DOCK1: variants seen among roughly 807,000 people sequenced by gnomAD.
The protein encoded by DOCK1 is dedicator of cytokinesis 1.
In DOCK1, 138 loss-of-function variants were observed where a neutral mutation model predicts 262.7. The ratio of observed to expected loss-of-function variants is 0.53; its 90% CI spans 0.46 to 0.61. The LOEUF is 0.61. DOCK1 is among the 20% of genes least tolerant of loss of function. DOCK1 has a pLI of 0.00. For missense variants in DOCK1, 1,908 were observed against 2,370.7 expected (o/e 0.80, Z 4.05); for synonymous variants, 866 against 867.4 (o/e 1.00, Z 0.03).
In DOCK1 at chr10:127,437,449, A is replaced by G. The variant is rs570923921; in HGVS notation, c.5061-1578A>G. ...GAAATAATCAACAGTGAGCAAATCA[A>G]TGGGGAGCAAGATTGCTGCAATGAC... On this transcript the variant is annotated intron_variant, in intron 48 of 51. Coordinates refer to ENST00000623213, the MANE Select transcript of DOCK1 (RefSeq NM_001290223.2). This position sits in a 1 kb window ranked among gnomAD's most constrained non-coding sequence, Gnocchi z 4.4. 7.3e-5 allele frequency among the ~76,000 whole-genome samples: 11 copies of G among 150,432 alleles called. No individual in the cohort carries two copies. The highest frequency in any genetic ancestry group is 1.3e-4 in the Non-Finnish European group (9 of 67,862).
intron 5 of DOCK1, among the ~76,000 whole-genome samples, chr10:126,989,372 G>A (rs1161544674): frequency 6.6e-6 from 1 of 152,106 alleles, no homozygotes; most frequent in Non-Finnish European, 1.5e-5. Context: ...TGTTGCCCAG[G>A]CTAGATTGCA....
At chr10:126,916,048 A>G (rs1014281871) in intron 1 of DOCK1, among the ~76,000 whole-genome samples, 1 of 152,164 alleles carries the variant, frequency 6.6e-6, no homozygotes, top group African/African-American at 2.4e-5. Flanking sequence ...TTGGGACACT[A>G]TGGTGTGGAG....
At chr10:127,163,434 G>T (rs1180050330) in intron 27 of DOCK1, among the ~76,000 whole-genome samples, 2 of 152,102 alleles carry the variant, frequency 1.3e-5, no homozygotes, top group Non-Finnish European at 2.9e-5. Context: ...AGAGGTTTTT[G>T]TCTGTTCCCG....
At chr10:127,223,163 CAAT>C (rs1180266607) in intron 27 of DOCK1, among the ~76,000 whole-genome samples, 1 of 152,136 alleles carries the variant, frequency 6.6e-6, no homozygotes, top group Non-Finnish European at 1.5e-5. Flanking sequence ...GAATTTATAA[CAAT>C]GTCTGATTAT....
At chr10:127,174,568 C>A (rs2054898236) in intron 27 of DOCK1, among the ~76,000 whole-genome samples, 1 of 152,160 alleles carries the variant, frequency 6.6e-6, no homozygotes, top group African/African-American at 2.4e-5. Context: ...CTTTCTGCAG[C>A]CCCACTGGAC....
chr10:127,019,676 G>C (rs1484234934), intron 13 of DOCK1, among the ~76,000 whole-genome samples: 3 of 152,196 alleles, frequency 2.0e-5, no homozygotes, highest in Non-Finnish European at 4.4e-5. Context: ...TTGAACCTGG[G>C]AGGCAGAGGT....
intron 27 of DOCK1, among the ~76,000 whole-genome samples, chr10:127,208,176 C>T (rs1360905344): frequency 7.9e-5 from 12 of 152,064 alleles, no homozygotes; most frequent in Admixed American, 4.6e-4. Context: ...CATTGTGAAA[C>T]GGAAGAATTT....
intron 37 of DOCK1, among the ~76,000 whole-genome samples, chr10:127,382,760 C>T (rs903593058): frequency 6.6e-6 from 1 of 152,208 alleles, no homozygotes; most frequent in African/African-American, 2.4e-5. Flanking sequence ...TACTCCGTCC[C>T]TCATAGAACG....
At chr10:127,043,818 G>A (rs2135653824) in intron 21 of DOCK1, among the ~76,000 whole-genome samples, 1 of 152,342 alleles carries the variant, frequency 6.6e-6, no homozygotes, top group East Asian at 1.9e-4. Flanking sequence ...CACAAGCTCT[G>A]TGATCTTGGG....
intron 47 of DOCK1, 73 bp from the exon 48 acceptor site, chr10:127,433,209 CT>C (rs1212881962): frequency 2.5e-6 from 4 of 1,582,002 alleles, no homozygotes; most frequent in Non-Finnish European, 2.6e-6. Context: ...GCTAAGGCCA[CT>C]TTATCTCAGG....
intron 29 of DOCK1, among the ~76,000 whole-genome samples, chr10:127,305,297 AC>A (rs2061833255): frequency 6.6e-6 from 1 of 152,140 alleles, no homozygotes. Flanking sequence ...AAACCCATCG[AC>A]TTTGGGATTG....
intron 27 of DOCK1, among the ~76,000 whole-genome samples, chr10:127,178,250 A>G (rs2055366020): frequency 6.6e-6 from 1 of 152,250 alleles, no homozygotes; most frequent in South Asian, 2.1e-4. Flanking sequence ...AATTCTTCAT[A>G]CATTATGCTA....
chr10:127,253,180 C>T (rs1402000452), intron 28 of DOCK1, among the ~76,000 whole-genome samples: 2 of 152,208 alleles, frequency 1.3e-5, no homozygotes, highest in African/African-American at 2.4e-5. Flanking sequence ...CTGGCTGCCA[C>T]GTGTCCACGT....
At chr10:127,415,082 C>G in intron 43 of DOCK1, 70 bp from the exon 44 acceptor site, 1 of 1,437,684 alleles carries the variant, frequency 7.0e-7, no homozygotes, top group Non-Finnish European at 9.7e-7. Context: ...TATAAATCCC[C>G]CTTAGGGCAG....
At chr10:126,940,292 C>G (rs1177749653) in intron 1 of DOCK1, among the ~76,000 whole-genome samples, 1 of 152,214 alleles carries the variant, frequency 6.6e-6, no homozygotes, top group Non-Finnish European at 1.5e-5. Flanking sequence ...TGGAATAAAA[C>G]TGTTCTAGAA....
At chr10:127,407,511 T>C (rs571211813) in intron 40 of DOCK1, among the ~76,000 whole-genome samples, 2 of 152,326 alleles carry the variant, frequency 1.3e-5, no homozygotes, top group East Asian at 3.9e-4. Context: ...CTACAAACGT[T>C]CTGACCACAG....
At chr10:127,223,925 A>C (rs1318888559) in intron 27 of DOCK1, among the ~76,000 whole-genome samples, 1 of 152,140 alleles carries the variant, frequency 6.6e-6, no homozygotes, top group Non-Finnish European at 1.5e-5. Context: ...GGATCAGGGG[A>C]AAGGATGCTG....
At chr10:127,230,092 G>A (rs1413237039) in intron 27 of DOCK1, among the ~76,000 whole-genome samples, 1 of 151,886 alleles carries the variant, frequency 6.6e-6, no homozygotes, top group African/African-American at 2.4e-5. Flanking sequence ...CATTTCCTTT[G>A]CCCCTTTTTA....
rs538605385 is a variant in DOCK1, at chr10:127,386,673, A to G, written c.3927+1764A>G. Among the ~76,000 whole-genome samples the G allele has an allele frequency of 6.4e-4, 97 of 152,110 alleles. No homozygotes were observed. The South Asian group carries it at 9.3e-3, about 15-fold the overall frequency. On this transcript the variant is annotated intron_variant, in intron 38 of 51. Coordinates refer to ENST00000623213, the MANE Select transcript of DOCK1 (RefSeq NM_001290223.2). ...CTCCCACTGATTCTACATGATGGTG[A>G]GTTGTATAATTATTTCGTTATGTAT...
Sources: allele counts gnomAD v4.1 joint callset (sites outside exome capture counted in the v4.1 genomes callset), GRCh38; gene constraint gnomAD v4.1.1; non-coding constraint Gnocchi (gnomAD v3.1); transcripts MANE v1.5; gene names NCBI Gene and HGNC (gene_info 2026-07-23, HGNC 2026-07-21).